The following ANKFN1 variants were observed in gnomAD, a reference collection of about 807,000 sequenced individuals.
ANKFN1 encodes the protein ankyrin repeat and fibronectin type-III domain-containing protein 1.
In ANKFN1, 74 loss-of-function variants were observed where a neutral mutation model predicts 108.7. The observed-to-expected ratio is 0.68, with a 90% CI of 0.56 to 0.83. ANKFN1 has a LOEUF of 0.83. Among genes scored for constraint, ANKFN1 ranks in the 40% least tolerant of loss-of-function variants. The pLI is 0.00. For missense variants in ANKFN1, 1,505 were observed against 1,382.3 expected, an observed-to-expected ratio of 1.09 and a Z score of -1.41; for synonymous variants, 547 against 516.2, an observed-to-expected ratio of 1.06 and a Z score of -0.81.
chr17:56,492,885 A>C (rs939977678), intron 19 of ANKFN1, among the ~76,000 whole-genome samples: 7 of 152,152 alleles, frequency 4.6e-5, no homozygotes, highest in African/African-American at 1.7e-4. Context: ...TTTTCTGGTA[A>C]AGCCTATGGT....
chr17:56,482,570 T>C, intron 18 of ANKFN1, 46 bp downstream of exon 18: 1 of 1,588,658 alleles, frequency 6.3e-7, no homozygotes, highest in Non-Finnish European at 8.6e-7. Context: ...AGCCTCCTTA[T>C]AATAAAATCA....
At chr17:56,079,304 G>A (rs898549387) in intron 4 of ANKFN1, among the ~76,000 whole-genome samples, 8 of 152,128 alleles carry the variant, frequency 5.3e-5, no homozygotes, top group South Asian at 2.1e-4. Flanking sequence ...GTTTGAAAAC[G>A]TAGACACTTC....
chr17:56,403,033 A>T (rs1445509127), intron 8 of ANKFN1, among the ~76,000 whole-genome samples: 1 of 152,126 alleles, frequency 6.6e-6, no homozygotes, highest in Non-Finnish European at 1.5e-5. Context: ...ATTGACTTCC[A>T]GTTTTATTCC....
chr17:56,168,256 C>CAAAA (rs763624819), intron 1 of ANKFN1, among the ~76,000 whole-genome samples: 31 of 60,234 alleles, frequency 5.1e-4, no homozygotes, highest in African/African-American at 1.5e-3. Flanking sequence ...GACTCTGTCA[C>CAAAA]AAAAAAAAAA....
rs774147046 is a variant in ANKFN1, at chr17:56,516,794, C to T, written c.*5525C>T. 2.0e-5 allele frequency among the ~76,000 whole-genome samples: 3 copies of T among 152,028 alleles called. No homozygotes were observed. Among genetic ancestry groups the T allele is most frequent in the Non-Finnish European group, 4.4e-5 (3 of 68,006 alleles). On this transcript the variant is annotated 3_prime_UTR_variant, in exon 21 of 21. Transcript: ENST00000682825. ...TAAGTGTATTTTCAAGAAAAATTGTCGACAGAAGAAATCTAAGCTATCAGA... is the reference window on the plus strand; with the variant it reads ...TAAGTGTATTTTCAAGAAAAATTGTTGACAGAAGAAATCTAAGCTATCAGA...
At chr17:56,453,768 A>G (rs1473445500) in intron 11 of ANKFN1, among the ~76,000 whole-genome samples, 1 of 151,948 alleles carries the variant, frequency 6.6e-6, no homozygotes, top group Non-Finnish European at 1.5e-5. Context: ...AAGGTTTTGG[A>G]TGAGTATAGA....
rs1383558821 is a variant in ANKFN1, at chr17:56,170,805, T to TACAC, written c.-71+17276_-71+17277insCACA. Among the ~76,000 whole-genome samples the TACAC allele has an allele frequency of 5.0e-3, 360 of 72,110 alleles. 4 individuals carry two copies. The highest frequency in any genetic ancestry group is 8.6e-3 in the Non-Finnish European group (325 of 37,588). 47.3% of individuals were successfully genotyped at this position (72,110 alleles called of 152,430 possible). ...ATATATATATATATATATATATATA[T>TACAC]ATACACACACACACACACACACACA... On this transcript the variant is annotated intron_variant, in intron 1 of 20. Coordinates refer to ENST00000682825, the MANE Select transcript of ANKFN1 (RefSeq NM_001370326.1).
chr17:56,121,030 G>A (rs1418754100), intron 4 of ANKFN1, among the ~76,000 whole-genome samples: 1 of 151,760 alleles, frequency 6.6e-6, no homozygotes, highest in African/African-American at 2.4e-5. Context: ...CTCACTTATA[G>A]CACTTAGTGA....
chr17:56,241,131 A>G (rs1219006793), intron 3 of ANKFN1, among the ~76,000 whole-genome samples: 2 of 152,020 alleles, frequency 1.3e-5, no homozygotes, highest in Non-Finnish European at 2.9e-5. Context: ...TTGATTTCAC[A>G]TTTGTGTTTT....
chr17:56,135,615 C>A (rs1250990778), intron 4 of ANKFN1, among the ~76,000 whole-genome samples: 2 of 152,134 alleles, frequency 1.3e-5, no homozygotes, highest in Non-Finnish European at 2.9e-5. Flanking sequence ...GGCTTGAAAA[C>A]AATTGTTCCC....
intron 4 of ANKFN1, among the ~76,000 whole-genome samples, chr17:56,055,566 C>CATATATGTATATATAT (rs1555588769): frequency 2.1e-5 from 1 of 47,442 alleles, no homozygotes; most frequent in Non-Finnish European, 3.5e-5. Context: ...GGTATATATA[C>CATATATGTATATATAT]ATATATATAT....
At chr17:56,223,049 T>C (rs926284409) in intron 2 of ANKFN1, among the ~76,000 whole-genome samples, 6 of 152,206 alleles carry the variant, frequency 3.9e-5, no homozygotes, top group Non-Finnish European at 8.8e-5. Context: ...CTCTATATAC[T>C]GACTTGGAAT....
intron 4 of ANKFN1, among the ~76,000 whole-genome samples, chr17:56,052,272 G>A (rs1250022385): frequency 1.3e-5 from 2 of 152,056 alleles, no homozygotes; most frequent in Admixed American, 6.5e-5. Flanking sequence ...TTCAGTCTGC[G>A]AGGGCTTATT....
At chr17:56,191,882 G>C (rs1912967234) in intron 1 of ANKFN1, among the ~76,000 whole-genome samples, 1 of 149,942 alleles carries the variant, frequency 6.7e-6, no homozygotes, top group Non-Finnish European at 1.5e-5. Flanking sequence ...TTTTCACATA[G>C]TCCCATATTT....
intron 8 of ANKFN1, among the ~76,000 whole-genome samples, chr17:56,401,572 A>G (rs992022997): frequency 1.3e-5 from 2 of 152,056 alleles, no homozygotes; most frequent in Non-Finnish European, 2.9e-5. Flanking sequence ...TATCAGTTCT[A>G]GGAGCTTTCT....
chr17:56,177,805 T>TTTTTG lies in ANKFN1; in HGVS notation c.-71+24299_-71+24303dup, dbSNP rs139512442. Among the ~76,000 whole-genome samples, 314 of 151,592 alleles carry TTTTTG rather than the reference T, an allele frequency of 2.1e-3. 1 individual carries two copies. The highest frequency in any genetic ancestry group is 3.4e-3 in the Non-Finnish European group (234 of 67,828). On this transcript the variant is annotated intron_variant, in intron 1 of 20. Transcript: ENST00000682825. ...CTGCCAACATAGGTTTTTGTTTTTG[T>TTTTTG]TTTTGTTTTGTTTTGTTTTGTTTTG...
In ANKFN1 at chr17:56,326,355, GGTAA is replaced by G; in HGVS notation, c.188+3_188+6del. ...TCTGCTGCCTCGAACAGCATAAACT[GGTAA>G]GTCAAATTTACTGTTGTCTTTCTTC... On this transcript the variant is annotated splice_donor_variant and splice_donor_region_variant and intron_variant, in intron 4 of 20. Transcript: ENST00000682825. LOFTEE classifies it high-confidence loss of function. The G allele has an allele frequency of 6.2e-7, 1 of 1,604,782 alleles. No individual in the cohort carries two copies. The highest frequency in any genetic ancestry group is 8.5e-7 in the Non-Finnish European group (1 of 1,177,152).
intron 14 of ANKFN1, 40 bp downstream of exon 14, chr17:56,458,019 A>G (rs751686050): frequency 6.5e-7 from 1 of 1,544,742 alleles, no homozygotes; most frequent in East Asian, 2.3e-5. Flanking sequence ...CAAGGAAAAT[A>G]TTTTTAATGT....
chr17:56,091,602 T>G (rs1905421937), intron 4 of ANKFN1, among the ~76,000 whole-genome samples: 1 of 151,480 alleles, frequency 6.6e-6, no homozygotes. Context: ...AATGTTTTTC[T>G]CTGAAAAGAA....
Sources: gnomAD v4.1 joint callset for allele counts (sites outside exome capture counted in the v4.1 genomes callset) on GRCh38, gnomAD v4.1.1 for gene constraint, MANE v1.5 for transcripts, NCBI Gene and HGNC (gene_info 2026-07-23, HGNC 2026-07-21) for gene names.